The following PARD3 variants were observed in gnomAD, a reference collection of about 807,000 sequenced individuals.
PARD3 encodes the protein par-3 family cell polarity regulator.
PARD3 carries 75 observed loss-of-function variants against 155.4 expected under a neutral mutation model. That is an observed-to-expected ratio of 0.48 (90% CI 0.40 to 0.58). PARD3 has a LOEUF of 0.58. PARD3 is among the 20% of genes least tolerant of loss of function. PARD3 has a pLI of 0.00. For synonymous variants in PARD3, 576 were observed against 610.5 expected, an observed-to-expected ratio of 0.94 and a Z score of 0.83; for missense variants, 1,642 against 1,721.7, an observed-to-expected ratio of 0.95 and a Z score of 0.82.
chr10:34,591,614 A>C (rs2088690403), intron 2 of PARD3, among the ~76,000 whole-genome samples: 2 of 152,298 alleles, frequency 1.3e-5, no homozygotes, highest in Admixed American at 1.3e-4. Context: ...ATCAAGACTG[A>C]AGACAAACCC....
intron 2 of PARD3, among the ~76,000 whole-genome samples, chr10:34,518,895 A>G (rs148735093): frequency 2.0e-3 from 302 of 152,326 alleles, no homozygotes; most frequent in African/African-American, 6.8e-3. Flanking sequence ...AAGTGGAGAA[A>G]CTTGGCAGCC....
chr10:34,810,899 G>A (rs1013903849), intron 1 of PARD3, among the ~76,000 whole-genome samples: 1 of 152,044 alleles, frequency 6.6e-6, no homozygotes, highest in Non-Finnish European at 1.5e-5. Context: ...AGGTTAAATG[G>A]CCTGTAAACC....
intron 1 of PARD3, among the ~76,000 whole-genome samples, chr10:34,799,001 T>C (rs1413234984): frequency 6.6e-6 from 1 of 152,170 alleles, no homozygotes; most frequent in African/African-American, 2.4e-5. Context: ...CCTTGGTTTA[T>C]ATGGAGCTTA....
chr10:34,270,012 A>G lies in PARD3; in HGVS notation c.3177-113T>C, dbSNP rs543109062. ...AATATATTTGATTTCTTGCAGCTAT[A>G]GAAGATCAGTGGTATAAATGACAGG... On this transcript the variant is annotated intron_variant, in intron 21 of 24. Transcript: ENST00000374788. 62 of 1,059,250 alleles carry G rather than the reference A, an allele frequency of 5.9e-5. 1 individual carries two copies. Among genetic ancestry groups the G allele is most frequent in the African/African-American group, 5.3e-4 (33 of 62,780 alleles). The allele number at this position is 1,059,250 out of a possible 1,614,324, so 65.6% of individuals were successfully genotyped here. A position where few individuals can be genotyped will look rare whatever the true frequency, so the allele number is the denominator to read the frequency against.
At chr10:34,423,389 T>C (rs1221524062) in intron 5 of PARD3, among the ~76,000 whole-genome samples, 1 of 152,140 alleles carries the variant, frequency 6.6e-6, no homozygotes, top group Non-Finnish European at 1.5e-5. Context: ...TCAAGAGATC[T>C]ACTGTACAAC....
At chr10:34,316,192 G>GT (rs1564576475) in intron 20 of PARD3, among the ~76,000 whole-genome samples, 1 of 152,198 alleles carries the variant, frequency 6.6e-6, no homozygotes, top group African/African-American at 2.4e-5. Context: ...TGGCTGTGCT[G>GT]TATGTTTTCA....
intron 2 of PARD3, among the ~76,000 whole-genome samples, chr10:34,571,696 T>C (rs147050558): frequency 3.0e-4 from 45 of 152,334 alleles, no homozygotes; most frequent in African/African-American, 9.4e-4. Context: ...TGTTGAAGAA[T>C]GCAATGACTG....
intron 24 of PARD3, 57 bp from the exon 25 acceptor site, chr10:34,111,619 GA>G: frequency 7.1e-7 from 1 of 1,416,644 alleles, no homozygotes; most frequent in East Asian, 2.3e-5. Flanking sequence ...GGAGAGGGAG[GA>G]AAGGGGGCAG....
chr10:34,218,793 G>A (rs2133454676), intron 22 of PARD3, among the ~76,000 whole-genome samples: 1 of 151,480 alleles, frequency 6.6e-6, no homozygotes, highest in Middle Eastern at 3.4e-3. Context: ...TGGCATGGGG[G>A]AGGAGGGATG....
At chr10:34,759,740 T>C (rs985159773) in intron 1 of PARD3, among the ~76,000 whole-genome samples, 6 of 152,220 alleles carry the variant, frequency 3.9e-5, no homozygotes, top group African/African-American at 1.2e-4. Context: ...TGTGCTGCGG[T>C]AAAAATACTA....
In PARD3 at chr10:34,811,811, C is replaced by T. The variant is rs150933430; in HGVS notation, c.120+3065G>A. Among the ~76,000 whole-genome samples the T allele has an allele frequency of 3.7e-3, 562 of 152,272 alleles. 6 individuals carry two copies. The highest frequency in any genetic ancestry group is 0.013 in the African/African-American group (535 of 41,564). On this transcript the variant is annotated intron_variant, in intron 1 of 24. Transcript: ENST00000374788. ...AGCACCATGTCCACCTGGAATCACGCGTGTCAGGTCGCAAGCGCAGAAGAA... is the reference window on the plus strand; with the variant it reads ...AGCACCATGTCCACCTGGAATCACGTGTGTCAGGTCGCAAGCGCAGAAGAA...
chr10:34,651,919 T>C (rs191395694), intron 2 of PARD3, among the ~76,000 whole-genome samples: 29 of 152,310 alleles, frequency 1.9e-4, no homozygotes, highest in Admixed American at 8.5e-4. Flanking sequence ...AGTCACTTCA[T>C]TGCTTAATGA....
At chr10:34,228,592 A>G (rs1211477198) in intron 22 of PARD3, among the ~76,000 whole-genome samples, 1 of 152,076 alleles carries the variant, frequency 6.6e-6, no homozygotes. Flanking sequence ...CAACTCTATG[A>G]ATTTACTAAA....
chr10:34,256,428 C>T (rs540029156), intron 22 of PARD3, among the ~76,000 whole-genome samples: 2 of 152,350 alleles, frequency 1.3e-5, no homozygotes, highest in Admixed American at 6.5e-5. Context: ...TGGCCTCTCT[C>T]GGAGACAATC....
chr10:34,779,703 C>G (rs926122145), intron 1 of PARD3, among the ~76,000 whole-genome samples: 1 of 152,232 alleles, frequency 6.6e-6, no homozygotes, highest in African/African-American at 2.4e-5. Flanking sequence ...TTCAGTCCTT[C>G]TGTGAAGAAA....
chr10:34,517,622 A>G (rs1353541367), intron 2 of PARD3, among the ~76,000 whole-genome samples: 2 of 152,208 alleles, frequency 1.3e-5, no homozygotes, highest in Non-Finnish European at 2.9e-5. Flanking sequence ...GATACATGCT[A>G]AAGACAAACC....
At chr10:34,151,849 T>C (rs964334080) in intron 22 of PARD3, among the ~76,000 whole-genome samples, 1 of 152,216 alleles carries the variant, frequency 6.6e-6, no homozygotes, top group Non-Finnish European at 1.5e-5. Flanking sequence ...TAAATCTTTA[T>C]AGTAACTTTA....
At chr10:34,469,160 G>C (rs2078191314) in intron 4 of PARD3, among the ~76,000 whole-genome samples, 2 of 152,250 alleles carry the variant, frequency 1.3e-5, no homozygotes, top group African/African-American at 4.8e-5. Context: ...GCCCAGGCTA[G>C]AGTGCAGCGG....
intron 2 of PARD3, among the ~76,000 whole-genome samples, chr10:34,550,490 G>A (rs909438839): frequency 6.6e-6 from 1 of 152,250 alleles, no homozygotes; most frequent in African/African-American, 2.4e-5. Flanking sequence ...TTGGATTACA[G>A]GCATGAGCCA....
Sources: allele counts gnomAD v4.1 joint callset (sites outside exome capture counted in the v4.1 genomes callset), GRCh38; gene constraint gnomAD v4.1.1; transcripts MANE v1.5; gene names NCBI Gene and HGNC (gene_info 2026-07-23, HGNC 2026-07-21).